The following KCNK4 variants were observed in gnomAD, a reference collection of about 807,000 sequenced individuals.
The protein encoded by KCNK4 is potassium channel subfamily K member 4.
In KCNK4, 22 loss-of-function variants were observed where a neutral mutation model predicts 28.8. That is an observed-to-expected ratio of 0.76 (90% CI 0.55 to 1.09). The LOEUF is 1.09. Ranked by LOEUF, KCNK4 falls within the 50% of genes least tolerant of loss-of-function variation. The pLI is 0.00. For missense variants in KCNK4, 483 were observed against 546.3 expected, an observed-to-expected ratio of 0.88 and a Z score of 1.15; for synonymous variants, 263 against 252.9, an observed-to-expected ratio of 1.04 and a Z score of -0.38.
intron 2 of KCNK4, among the ~76,000 whole-genome samples, chr11:64,295,117 GA>G (rs1337649705): frequency 6.6e-6 from 1 of 152,190 alleles, no homozygotes; most frequent in East Asian, 1.9e-4. Context: ...ATGCCAAGGG[GA>G]TATTGGAGTG....
intron 1 of KCNK4, chr11:64,292,082 C>G (rs999042313): frequency 3.7e-6 from 4 of 1,095,814 alleles, no homozygotes; most frequent in Non-Finnish European, 3.4e-6. Context: ...CCATGGGGGC[C>G]GGGGATGCCG....
chr11:64,292,135 G>A, intron 1 of KCNK4: 1 of 985,478 alleles, frequency 1.0e-6, no homozygotes, highest in Non-Finnish European at 1.2e-6. Flanking sequence ...GCGTGCAGCG[G>A]GGCGGCGCGG....
At chr11:64,295,059 T>C (rs1591226572) in intron 2 of KCNK4, among the ~76,000 whole-genome samples, 2 of 152,256 alleles carry the variant, frequency 1.3e-5, no homozygotes, top group East Asian at 3.9e-4. Context: ...CCTGAATTAG[T>C]TGTGCAGCAA....
Position 64,292,948 on chromosome 11 carries a change from C to CAGCTCCCCAGG in KCNK4, c.-67_-57dup, listed in dbSNP as rs1830329173. 1 of 1,472,618 alleles carries CAGCTCCCCAGG rather than the reference C, an allele frequency of 6.8e-7. No individual in the cohort carries two copies. Among genetic ancestry groups the CAGCTCCCCAGG allele is most frequent in the African/African-American group, 1.4e-5 (1 of 70,448 alleles). The allele number at this position is 1,472,618 out of a possible 1,614,324, so 91.2% of individuals were successfully genotyped here. A position where few individuals can be genotyped will look rare whatever the true frequency, so the allele number is the denominator to read the frequency against. On this transcript the variant is annotated 5_prime_UTR_variant, in exon 2 of 7. Transcript: ENST00000422670. ...TCCCTGGTTTTGCCCGCAGTGACGA[C>CAGCTCCCCAGG]AGCTCCCCAGGAGCCCCCCGCCCGG...
chr11:64,297,227 G>T lies in KCNK4; in HGVS notation c.422G>T (p.Arg141Leu). 1 of 1,614,018 alleles carries T rather than the reference G, an allele frequency of 6.2e-7. No individual in the cohort carries two copies. Among genetic ancestry groups the T allele is most frequent in the Non-Finnish European group, 8.5e-7 (1 of 1,179,994 alleles). The change falls in exon 4 of 7, where the codon CGG becomes CTG. Residue 141 changes from arginine to leucine, a missense_variant. Physicochemically the swap from Arg to Leu is moderately radical, Grantham distance 102. Transcript: ENST00000422670. ...FGILLAGVGDRLGSSLRHGIG... is the reference protein window; with the variant it reads ...FGILLAGVGDLLGSSLRHGIG... ...ATCCTACTGGCAGGGGTCGGGGACC[G>T]GCTGGGCTCCTCCCTGCGCCATGGC...
chr11:64,299,398 G>T lies in KCNK4; in HGVS notation c.854G>T (p.Arg285Leu). The change falls in exon 7 of 7, where the codon CGC becomes CTC. Residue 285 changes from arginine (R) to leucine (L), a missense_variant. By Grantham distance (102) the Arg-to-Leu change is moderately radical. Coordinates refer to ENST00000422670, the MANE Select transcript of KCNK4 (RefSeq NM_033310.3). ...AGCTGGACTGGCACGGTGACAGCGC[G>T]CGTGACCCAGCGAGCCGGGCCCGCC... ...AASWTGTVTARVTQRAGPAAP... is the reference protein window; with the variant it reads ...AASWTGTVTALVTQRAGPAAP... The T allele has an allele frequency of 6.4e-7, 1 of 1,571,448 alleles. No homozygotes were observed.
chr11:64,296,225 G>A (rs1171813271), intron 2 of KCNK4: 1 of 152,112 alleles, frequency 6.6e-6, no homozygotes, highest in African/African-American at 2.4e-5. Flanking sequence ...TCAGGGGTGG[G>A]ATGTGTGTGT....
At chr11:64,296,744 C>T in intron 2 of KCNK4, 134 bp from the exon 3 acceptor site, 1 of 897,862 alleles carries the variant, frequency 1.1e-6, no homozygotes, top group Non-Finnish European at 1.6e-6. Context: ...AAGGGACTGC[C>T]TCCTGGGAGA....
chr11:64,297,741 A>T (rs1158790842), intron 5 of KCNK4, 88 bp downstream of exon 5: 4 of 1,402,882 alleles, frequency 2.9e-6, no homozygotes, highest in Non-Finnish European at 2.0e-6. Flanking sequence ...TCCAGATCCC[A>T]TGTGGTTGCT....
chr11:64,297,155 G>T lies in KCNK4; in HGVS notation c.350G>T (p.Arg117Leu). The change falls in exon 4 of 7, where the codon CGC becomes CTC. Residue 117 changes from arginine to leucine, a missense_variant. Transcript: ENST00000422670. Reference sequence around the variant, plus strand: ...GTGGCCCTGCGCACAGATGCCGGGCGCCTCTTCTGCATCTTTTATGCGCTG... The same window carrying T: ...GTGGCCCTGCGCACAGATGCCGGGCTCCTCTTCTGCATCTTTTATGCGCTG... ...GNVALRTDAG[R>L]LFCIFYALVG... 1 of 1,614,130 alleles carries T rather than the reference G, an allele frequency of 6.2e-7. No homozygotes were observed.
Position 64,297,255 on chromosome 11 carries a change from C to G in KCNK4, c.450C>G (p.Ile150Met), listed in dbSNP as rs780347185. 6.8e-6 allele frequency: 11 copies of G among 1,613,418 alleles called. No homozygotes were observed. The highest frequency in any genetic ancestry group is 9.3e-6 in the Non-Finnish European group (11 of 1,179,716). The change falls in exon 4 of 7, where the codon ATC becomes ATG. Residue 150 changes from isoleucine to methionine, a missense_variant. Ile to Met is a conservative substitution (Grantham distance 10, BLOSUM62 1). Coordinates refer to ENST00000422670, the MANE Select transcript of KCNK4 (RefSeq NM_033310.3). ...DRLGSSLRHG[I>M]GHIEAIFLKW... ...TGGGCTCCTCCCTGCGCCATGGCAT[C>G]GGTCACATTGAAGCCATCTTCTTGG... is the stretch of plus-strand genomic sequence containing the variant.
chr11:64,297,272 T>C lies in KCNK4; in HGVS notation c.467T>C (p.Ile156Thr). Residue 156 changes from isoleucine to threonine, a missense_variant, in exon 4 of 7, where the codon ATC (isoleucine) becomes ACC (threonine). Coordinates refer to ENST00000422670, the MANE Select transcript of KCNK4 (RefSeq NM_033310.3). ...CATGGCATCGGTCACATTGAAGCCA[T>C]CTTCTTGGTGAGCTGCTCCATGCCC... ...LRHGIGHIEA[I>T]FLKWHVPPEL... The C allele has an allele frequency of 6.2e-7, 1 of 1,611,934 alleles. No individual in the cohort carries two copies. Among genetic ancestry groups the C allele is most frequent in the Non-Finnish European group, 8.5e-7 (1 of 1,178,762 alleles).
intron 6 of KCNK4, 68 bp from the exon 7 acceptor site, chr11:64,299,278 C>A: frequency 7.3e-7 from 1 of 1,362,906 alleles, no homozygotes; most frequent in Non-Finnish European, 9.7e-7. Flanking sequence ...GGTGAAGGGG[C>A]AGGTTCCCGG....
chr11:64,293,594 T>G (rs2034694686), intron 2 of KCNK4, among the ~76,000 whole-genome samples: 1 of 152,202 alleles, frequency 6.6e-6, no homozygotes, highest in Non-Finnish European at 1.5e-5. Context: ...TGAATTACAG[T>G]TAAACTGCAA....
intron 2 of KCNK4, among the ~76,000 whole-genome samples, chr11:64,294,276 G>T (rs1446314814): frequency 2.6e-5 from 4 of 152,128 alleles, no homozygotes; most frequent in East Asian, 1.9e-4. Flanking sequence ...CTAGCACTTT[G>T]GAAGGCTGAG....
chr11:64,293,009 T>C lies in KCNK4; in HGVS notation c.-10T>C. 2 of 1,537,496 alleles carry C rather than the reference T, an allele frequency of 1.3e-6. No homozygotes were observed. Among genetic ancestry groups the C allele is most frequent in the Non-Finnish European group, 1.8e-6 (2 of 1,142,188 alleles). ...CGGGCAGTGGAGCTGGCCCGGCGCC[T>C]GGGCGCGCCATGCGCAGCACCACGC... On this transcript the variant is annotated 5_prime_UTR_variant, in exon 2 of 7. Coordinates refer to ENST00000422670, the MANE Select transcript of KCNK4 (RefSeq NM_033310.3).
rs2034778642 is a variant in KCNK4, at chr11:64,296,901, G to A, written c.213G>A (p.Gly71=). The change falls in exon 3 of 7, where the codon GGG becomes GGA. Residue 71 remains glycine, a synonymous_variant. Transcript: ENST00000422670. Reference sequence around the variant, plus strand: ...AGGAGGTGGCTGATGCCCTGGGAGGGGGTGCGGACCCAGAAACCAACTCGA... The same window carrying A: ...AGGAGGTGGCTGATGCCCTGGGAGGAGGTGCGGACCCAGAAACCAACTCGA... The part of the protein sequence containing the change: ...LIKEVADALG[G]GADPETNSTS... 1 of 1,510,454 alleles carries A rather than the reference G, an allele frequency of 6.6e-7. No homozygotes were observed. The highest frequency in any genetic ancestry group is 1.4e-5 in the South Asian group (1 of 73,720). The allele number at this position is 1,510,454 out of a possible 1,614,324, so 93.6% of individuals were successfully genotyped here.
At position 64,298,221 on chromosome 11, in the gene KCNK4, G is replaced by C; in HGVS notation, c.773G>C (p.Arg258Pro). The C allele has an allele frequency of 6.2e-7, 1 of 1,613,010 alleles. No individual in the cohort carries two copies. The highest frequency in any genetic ancestry group is 8.5e-7 in the Non-Finnish European group (1 of 1,180,024). ...SVLTTIGNWLRVVSRRTRAEM... is the reference protein window; with the variant it reads ...SVLTTIGNWLPVVSRRTRAEM... ...CTCACCACCATCGGGAACTGGCTGC[G>C]AGTAGTGTCCCGCCGCACTCGGGCA... The change falls in exon 6 of 7, where the codon CGA becomes CCA. Residue 258 changes from arginine (R) to proline (P), a missense_variant. Coordinates refer to ENST00000422670, the MANE Select transcript of KCNK4 (RefSeq NM_033310.3).
In KCNK4 at chr11:64,299,398, G is replaced by C; in HGVS notation, c.854G>C (p.Arg285Pro). The C allele has an allele frequency of 6.4e-7, 1 of 1,571,450 alleles. No individual in the cohort carries two copies. Among genetic ancestry groups the C allele is most frequent in the Non-Finnish European group, 8.6e-7 (1 of 1,161,430 alleles). Residue 285 changes from arginine (R) to proline (P), a missense_variant, in exon 7 of 7, where the codon CGC becomes CCC. Physicochemically the swap from Arg to Pro is moderately radical, Grantham distance 103. Coordinates refer to ENST00000422670, the MANE Select transcript of KCNK4 (RefSeq NM_033310.3). Reference protein sequence around the residue: ...AASWTGTVTARVTQRAGPAAP... With the variant: ...AASWTGTVTAPVTQRAGPAAP... ...AGCTGGACTGGCACGGTGACAGCGC[G>C]CGTGACCCAGCGAGCCGGGCCCGCC...
Sources: gnomAD v4.1 joint callset for allele counts (sites outside exome capture counted in the v4.1 genomes callset) on GRCh38, gnomAD v4.1.1 for gene constraint, MANE v1.5 for transcripts, NCBI Gene and HGNC (gene_info 2026-07-23, HGNC 2026-07-21) for gene names.